CTNNA2: variants seen among roughly 807,000 people sequenced by gnomAD.
CTNNA2 encodes catenin alpha 2.
CTNNA2 carries 42 observed loss-of-function variants against 101.0 expected under a neutral mutation model. That is an observed-to-expected ratio of 0.42 (90% CI 0.32 to 0.54). The LOEUF (loss-of-function observed/expected upper bound fraction) is 0.54. CTNNA2 is among the 20% of genes least tolerant of loss of function. The pLI is 0.14. For missense variants in CTNNA2, 871 were observed against 1,223.1 expected, an observed-to-expected ratio of 0.71 and a Z score of 4.29; for synonymous variants, 450 against 456.4, an observed-to-expected ratio of 0.99 and a Z score of 0.18.
chr2:80,498,512 C>G (rs1244396011), intron 9 of CTNNA2, among the ~76,000 whole-genome samples: 2 of 152,192 alleles, frequency 1.3e-5, no homozygotes, highest in African/African-American at 4.8e-5. Context: ...AATGTACATT[C>G]TAAAGGGCCC....
intron 4 of CTNNA2, among the ~76,000 whole-genome samples, chr2:79,409,190 T>G (rs1448740039): frequency 1.3e-5 from 2 of 152,220 alleles, no homozygotes; most frequent in East Asian, 3.9e-4. Flanking sequence ...TTGTAGATTC[T>G]GGATATTAGC....
chr2:80,251,599 A>G (rs1671766935), intron 7 of CTNNA2, among the ~76,000 whole-genome samples: 1 of 152,218 alleles, frequency 6.6e-6, no homozygotes, highest in African/African-American at 2.4e-5. Context: ...AACTTTCTAC[A>G]GGTGATATAA....
At chr2:80,547,792 C>G (rs112467385) in intron 11 of CTNNA2, among the ~76,000 whole-genome samples, 3,060 of 148,988 alleles carry the variant, frequency 0.021, 125 homozygotes, top group African/African-American at 0.07. Flanking sequence ...CGGATTCAAG[C>G]TGTTTTCCCG....
At chr2:79,843,964 A>T (rs1163092164) in intron 3 of CTNNA2, among the ~76,000 whole-genome samples, 1 of 152,232 alleles carries the variant, frequency 6.6e-6, no homozygotes, top group African/African-American at 2.4e-5. Flanking sequence ...AGGCTAGGTT[A>T]TTCTCTCTAT....
intron 7 of CTNNA2, among the ~76,000 whole-genome samples, chr2:79,972,845 T>C (rs1280087569): frequency 6.6e-6 from 1 of 152,166 alleles, no homozygotes; most frequent in Non-Finnish European, 1.5e-5. Flanking sequence ...GCAATACTGT[T>C]AGTGTTCACC....
intron 2 of CTNNA2, among the ~76,000 whole-genome samples, chr2:79,229,490 G>A (rs1674463364): frequency 1.3e-5 from 2 of 152,112 alleles, no homozygotes; most frequent in South Asian, 4.1e-4. Flanking sequence ...ATGATTGTGT[G>A]ACCTTCCCCA....
Position 80,041,274 on chromosome 2 carries a change from T to A in CTNNA2, c.1056+131477T>A, listed in dbSNP as rs572979775. Among the ~76,000 whole-genome samples the A allele has an allele frequency of 9.2e-4, 140 of 152,210 alleles. 1 individual carries two copies. The highest frequency in any genetic ancestry group is 1.5e-3 in the Non-Finnish European group (103 of 68,004). On this transcript the variant is annotated intron_variant, in intron 7 of 18. Transcript: ENST00000402739. ...AAGGAGGCAGAGTAATTTTTATTTT[T>A]TTTTTTTTACTTATCGGCTACATGG...
At chr2:79,499,926 T>C (rs1336394480) in intron 4 of CTNNA2, among the ~76,000 whole-genome samples, 1 of 152,214 alleles carries the variant, frequency 6.6e-6, no homozygotes, top group African/African-American at 2.4e-5. Flanking sequence ...GCCAGCAGCC[T>C]GGAGACCCAG....
intron 2 of CTNNA2, among the ~76,000 whole-genome samples, chr2:79,733,788 C>T (rs1183973717): frequency 6.6e-6 from 1 of 152,002 alleles, no homozygotes; most frequent in Non-Finnish European, 1.5e-5. Flanking sequence ...CGACTACTCC[C>T]TATAGAGTAT....
At chr2:79,381,263 G>C (rs1233234119) in intron 4 of CTNNA2, among the ~76,000 whole-genome samples, 1 of 152,114 alleles carries the variant, frequency 6.6e-6, no homozygotes, top group Non-Finnish European at 1.5e-5. Context: ...AAACTGAGAT[G>C]CATGTACCCC....
At chr2:79,679,267 G>T (rs1156477554) in intron 2 of CTNNA2, among the ~76,000 whole-genome samples, 4 of 152,058 alleles carry the variant, frequency 2.6e-5, no homozygotes, top group Non-Finnish European at 4.4e-5. Flanking sequence ...TGAATATAAG[G>T]AATTTGTTTT....
intron 7 of CTNNA2, among the ~76,000 whole-genome samples, chr2:80,087,461 G>C (rs547852300): frequency 6.6e-6 from 1 of 152,166 alleles, no homozygotes; most frequent in South Asian, 2.1e-4. Flanking sequence ...TCCATAAGCA[G>C]GTATGCAGGT....
intron 1 of CTNNA2, among the ~76,000 whole-genome samples, chr2:79,551,730 A>G (rs1674112702): frequency 6.6e-6 from 1 of 152,166 alleles, no homozygotes; most frequent in South Asian, 2.1e-4. Flanking sequence ...AAAGCTTACA[A>G]TCATGGTGGA....
At chr2:79,651,767 A>C in intron 2 of CTNNA2, 109 bp downstream of exon 2, 1 of 887,584 alleles carries the variant, frequency 1.1e-6, no homozygotes, top group Admixed American at 2.1e-5. Context: ...TCATGCCATG[A>C]TTCCGATTAC....
chr2:80,301,916 C>CAA (rs528489978), intron 7 of CTNNA2: 242 of 140,978 alleles, frequency 1.7e-3, no homozygotes, highest in African/African-American at 3.6e-3. Flanking sequence ...TTTTAGTTTA[C>CAA]AAAAAAAAAA....
chr2:80,142,664 C>T (rs371195777), intron 7 of CTNNA2, among the ~76,000 whole-genome samples: 3 of 152,148 alleles, frequency 2.0e-5, no homozygotes, highest in African/African-American at 4.8e-5. Flanking sequence ...TTGTCCAACC[C>T]ACCTTATTTT....
At chr2:80,563,686 G>A (rs1441870155) in intron 12 of CTNNA2, among the ~76,000 whole-genome samples, 1 of 152,042 alleles carries the variant, frequency 6.6e-6, no homozygotes, top group Non-Finnish European at 1.5e-5. Context: ...CTCCTGGTTT[G>A]CCTTTCTGTA....
intron 11 of CTNNA2, among the ~76,000 whole-genome samples, chr2:80,547,133 T>C (rs192302745): frequency 6.6e-6 from 1 of 152,206 alleles, no homozygotes; most frequent in African/African-American, 2.4e-5. Context: ...GTCTTTTCTT[T>C]TCCGGAAGAA....
At chr2:79,340,572 G>T (rs11682199) in intron 3 of CTNNA2, among the ~76,000 whole-genome samples, 125,732 of 152,090 alleles carry the variant, frequency 0.83, 52,205 homozygotes, top group East Asian at 1. Context: ...GGTGGCTCAC[G>T]CCTGTAATCC....
Sources: gnomAD v4.1 joint callset for allele counts (sites outside exome capture counted in the v4.1 genomes callset) on GRCh38, gnomAD v4.1.1 for gene constraint, MANE v1.5 for transcripts, NCBI Gene and HGNC (gene_info 2026-07-23, HGNC 2026-07-21) for gene names.